The following TPO variants were observed in gnomAD, a reference collection of about 807,000 sequenced individuals.
TPO encodes thyroid microsomal antigen.
A neutral mutation model predicts 96.9 loss-of-function variants in TPO; 78 were observed. That is an observed-to-expected ratio of 0.81 (90% CI 0.67 to 0.97). The LOEUF (loss-of-function observed/expected upper bound fraction) is 0.97, where lower values mean the gene tolerates loss of function less well. Ranked by LOEUF, TPO falls within the 50% of genes least tolerant of loss-of-function variation. TPO has a pLI of 0.00. For synonymous variants in TPO, 547 were observed against 538.0 expected, an observed-to-expected ratio of 1.02 and a Z score of -0.23; for missense variants, 1,252 against 1,274.8, an observed-to-expected ratio of 0.98 and a Z score of 0.27.
intron 14 of TPO, among the ~76,000 whole-genome samples, chr2:1,507,238 T>A (rs1318103197): frequency 2.0e-5 from 3 of 152,200 alleles, no homozygotes; most frequent in Non-Finnish European, 4.4e-5. Flanking sequence ...GTTCCATTGG[T>A]CTATATCTCT....
At chr2:1,385,852 G>C (rs555849804) in intron 1 of TPO, among the ~76,000 whole-genome samples, 1 of 152,104 alleles carries the variant, frequency 6.6e-6, no homozygotes, top group East Asian at 1.9e-4. Flanking sequence ...TGGGCATTTA[G>C]TGCTATAAAT....
At chr2:1,410,934 G>A (rs1185687291), upstream of TPO, among the ~76,000 whole-genome samples, 1 of 152,090 alleles carries the variant, frequency 6.6e-6, no homozygotes, top group Non-Finnish European at 1.5e-5. Context: ...ATTGCTGGGT[G>A]GCCACGTCTT....
chr2:1,423,247 T>C, intron 3 of TPO, 118 bp downstream of exon 3: 1 of 903,428 alleles, frequency 1.1e-6, no homozygotes. Context: ...AGCTTGCCAT[T>C]GTTAATTTAC....
chr2:1,493,211 G>GGGGGT (rs1553321289), intron 10 of TPO, among the ~76,000 whole-genome samples: 1 of 123,424 alleles, frequency 8.1e-6, no homozygotes, highest in Non-Finnish European at 1.7e-5. Flanking sequence ...TGAGTGGGTG[G>GGGGGT]GGGGGGGGGT....
chr2:1,537,994 AC>A (rs538720468), intron 15 of TPO, among the ~76,000 whole-genome samples: 1 of 44,420 alleles, frequency 2.3e-5, no homozygotes, highest in Admixed American at 3.8e-4. Flanking sequence ...ACTCTGTGCA[AC>A]CCCCCCAAAT....
chr2:1,438,365 G>T (rs559176192), intron 5 of TPO, among the ~76,000 whole-genome samples: 2 of 152,156 alleles, frequency 1.3e-5, no homozygotes, highest in Admixed American at 1.3e-4. Flanking sequence ...CTTAAACAGC[G>T]TTAACAAGTC....
chr2:1,393,632 A>G (rs929105079), intron 1 of TPO, among the ~76,000 whole-genome samples: 5 of 152,224 alleles, frequency 3.3e-5, no homozygotes, highest in African/African-American at 1.2e-4. Flanking sequence ...AGGCCTGTGG[A>G]AACTCTCATG....
intron 15 of TPO, among the ~76,000 whole-genome samples, chr2:1,518,497 G>A (rs1444908191): frequency 6.6e-6 from 1 of 152,204 alleles, no homozygotes; most frequent in Non-Finnish European, 1.5e-5. Flanking sequence ...CTCTGGGGCT[G>A]AGATATGGTA....
intron 15 of TPO, among the ~76,000 whole-genome samples, chr2:1,530,818 C>A (rs1453488169): frequency 7.5e-6 from 1 of 133,398 alleles, no homozygotes; most frequent in Non-Finnish European, 1.6e-5. Context: ...TGTGCAACCT[C>A]CTGAAATCCC....
At chr2:1,488,102 G>A (rs1671349232) in intron 10 of TPO, 111 bp downstream of exon 10, 3 of 1,496,704 alleles carry the variant, frequency 2.0e-6, no homozygotes, top group Non-Finnish European at 2.7e-6. Context: ...CAAATCTGAG[G>A]CCTTCTAAGC....
At chr2:1,407,384 A>G (rs1171409454) in intron 1 of TPO, among the ~76,000 whole-genome samples, 2 of 152,210 alleles carry the variant, frequency 1.3e-5, no homozygotes, top group Non-Finnish European at 2.9e-5. Context: ...TTGTGGAGAC[A>G]GCTGAAAACT....
chr2:1,487,680 T>G, intron 9 of TPO, 141 bp from the exon 10 acceptor site: 1 of 1,080,136 alleles, frequency 9.3e-7, no homozygotes, highest in Non-Finnish European at 1.3e-6. Context: ...GAGCTTGCAG[T>G]GAGCTGAGAT....
rs142923536 is a variant in TPO, at chr2:1,471,522, C to T, written c.820-5564C>T. ...TTTTAATTCAAATAAGAATTTCTTACATTAAACTTGAGCACCCACATGTAA... is the reference window on the plus strand; with the variant it reads ...TTTTAATTCAAATAAGAATTTCTTATATTAAACTTGAGCACCCACATGTAA... On this transcript the variant is annotated intron_variant, in intron 7 of 16. Coordinates refer to ENST00000329066, the MANE Select transcript of TPO (RefSeq NM_001206744.2). Among the ~76,000 whole-genome samples, 429 of 151,334 alleles carry T rather than the reference C, an allele frequency of 2.8e-3. 2 individuals are homozygous for T. Among genetic ancestry groups the T allele is most frequent in the African/African-American group, 7.1e-3 (290 of 41,108 alleles).
At chr2:1,519,944 A>T (rs1675080564) in intron 15 of TPO, among the ~76,000 whole-genome samples, 1 of 152,210 alleles carries the variant, frequency 6.6e-6, no homozygotes, top group Non-Finnish European at 1.5e-5. Context: ...ATATTTGGCT[A>T]TAGTTGATTT....
intron 8 of TPO, 175 bp downstream of exon 8, chr2:1,477,779 C>A: frequency 2.0e-6 from 2 of 985,452 alleles, no homozygotes; most frequent in Admixed American, 6.1e-5. Flanking sequence ...TCCTGCTGGG[C>A]GCCCTGCATG....
intron 3 of TPO, among the ~76,000 whole-genome samples, chr2:1,426,388 G>A (rs113382105): frequency 5.3e-5 from 8 of 149,536 alleles, no homozygotes; most frequent in East Asian, 1.9e-4. Flanking sequence ...TCTAGATGCC[G>A]GGATACAGAG....
chr2:1,380,185 G>A, intron 1 of TPO, among the ~76,000 whole-genome samples: 1 of 152,094 alleles, frequency 6.6e-6, no homozygotes, highest in East Asian at 1.9e-4. Flanking sequence ...ATGAGGTCAG[G>A]AGATCAAGAC....
intron 10 of TPO, among the ~76,000 whole-genome samples, 184 bp from the exon 11 acceptor site, chr2:1,493,618 A>G (rs955746115): frequency 2.7e-5 from 4 of 148,550 alleles, no homozygotes; most frequent in Admixed American, 2.7e-4. Context: ...ACAGGGTGGG[A>G]CAGGACTCTG....
At chr2:1,536,066 C>T (rs533237396) in intron 15 of TPO, among the ~76,000 whole-genome samples, 1 of 44,578 alleles carries the variant, frequency 2.2e-5, no homozygotes, top group Non-Finnish European at 4.4e-5. Context: ...TGTGTGCAAC[C>T]TTCCCAAATC....
Sources: allele counts gnomAD v4.1 joint callset (sites outside exome capture counted in the v4.1 genomes callset), GRCh38; gene constraint gnomAD v4.1.1; transcripts MANE v1.5; gene names NCBI Gene and HGNC (gene_info 2026-07-23, HGNC 2026-07-21).